Variants in NMU observed in about 807,000 individuals in gnomAD.
NMU encodes the protein neuromedin-U.
In NMU, 29 loss-of-function variants were observed where a neutral mutation model predicts 35.4. That is an observed-to-expected ratio of 0.82 (90% CI 0.61 to 1.12). The LOEUF (loss-of-function observed/expected upper bound fraction) is 1.12, where lower values mean the gene tolerates loss of function less well. Ranked by LOEUF, NMU falls within the 50% of genes most tolerant of loss-of-function variation. NMU has a pLI of 0.00. For synonymous variants in NMU, 78 were observed against 81.3 expected, an observed-to-expected ratio of 0.96 and a Z score of 0.22; for missense variants, 199 against 206.2, an observed-to-expected ratio of 0.97 and a Z score of 0.21.
chr4:55,595,542 G>GTATATATATATATATATATATA (rs35083424), intron 9 of NMU, 131 bp from the exon 10 acceptor site: 1 of 107,992 alleles, frequency 9.3e-6, no homozygotes, highest in Non-Finnish European at 1.8e-5. Context: ...TTTCCCAGCT[G>GTATATATATATATATATATATA]TATATATATA....
intron 2 of NMU, among the ~76,000 whole-genome samples, chr4:55,626,565 G>A (rs1455084701): frequency 6.6e-6 from 1 of 152,124 alleles, no homozygotes; most frequent in East Asian, 1.9e-4. Context: ...AAATTAGCCG[G>A]CCGTGGTGGC....
intron 2 of NMU, among the ~76,000 whole-genome samples, chr4:55,626,479 C>T (rs1033917988): frequency 3.9e-5 from 6 of 152,154 alleles, no homozygotes; most frequent in East Asian, 1.9e-4. Context: ...CCAAGGTGGG[C>T]GGATCACTTG....
intron 3 of NMU, among the ~76,000 whole-genome samples, chr4:55,610,453 A>G (rs1192717823): frequency 1.4e-5 from 2 of 147,554 alleles, no homozygotes; most frequent in African/African-American, 5.0e-5. Context: ...ATGGAGTGAG[A>G]CTCTGTCTCA....
chr4:55,633,107 C>T (rs56189453), intron 1 of NMU, among the ~76,000 whole-genome samples: 22,111 of 151,750 alleles, frequency 0.15, 1,673 homozygotes, highest in East Asian at 0.22. Flanking sequence ...GGCATATCAC[C>T]AGGTCAGGAG....
chr4:55,614,097 T>C (rs754567206), intron 3 of NMU, among the ~76,000 whole-genome samples: 10 of 152,214 alleles, frequency 6.6e-5, no homozygotes, highest in Non-Finnish European at 1.2e-4. Context: ...TGAATCTATC[T>C]CTTTTATATA....
chr4:55,618,520 C>A (rs1234504659), intron 2 of NMU, among the ~76,000 whole-genome samples: 2 of 152,156 alleles, frequency 1.3e-5, no homozygotes, highest in Non-Finnish European at 2.9e-5. Context: ...ATTTTTAAAT[C>A]TTCAAGCAGA....
At chr4:55,632,867 TAGAA>T (rs1430330436) in intron 1 of NMU, among the ~76,000 whole-genome samples, 11 of 151,532 alleles carry the variant, frequency 7.3e-5, no homozygotes, top group Middle Eastern at 3.4e-3. Flanking sequence ...ATGGGCCACT[TAGAA>T]AGGCCACTAT....
chr4:55,598,933 T>A (rs1263037626), intron 9 of NMU, among the ~76,000 whole-genome samples: 1 of 152,186 alleles, frequency 6.6e-6, no homozygotes, highest in Non-Finnish European at 1.5e-5. Context: ...AAAATACTGG[T>A]ATTTTCTCAT....
At chr4:55,596,760 C>T (rs2110176806) in intron 9 of NMU, among the ~76,000 whole-genome samples, 1 of 152,158 alleles carries the variant, frequency 6.6e-6, no homozygotes, top group African/African-American at 2.4e-5. Flanking sequence ...TTATTTCTTT[C>T]TTTTCTAATT....
chr4:55,632,116 A>G (rs939944303), intron 1 of NMU, among the ~76,000 whole-genome samples: 1 of 152,186 alleles, frequency 6.6e-6, no homozygotes, highest in Non-Finnish European at 1.5e-5. Context: ...ATGAGGACAC[A>G]AAACATAGAG....
chr4:55,636,334 G>A (rs910221504), upstream of NMU: 1 of 1,243,316 alleles, frequency 8.0e-7, no homozygotes, highest in African/African-American at 1.6e-5. This position sits in a 1 kb window ranked among gnomAD's most constrained non-coding sequence, Gnocchi z 4.0. Flanking sequence ...TAAATCTCGC[G>A]CACAAGTGGG....
At chr4:55,603,650 C>T (rs1460456347) in intron 7 of NMU, among the ~76,000 whole-genome samples, 1 of 151,726 alleles carries the variant, frequency 6.6e-6, no homozygotes, top group African/African-American at 2.4e-5. Flanking sequence ...CAGTGGCTCA[C>T]GCCTGTAATA....
chr4:55,625,456 T>A (rs1250837380), intron 2 of NMU, among the ~76,000 whole-genome samples: 4 of 152,204 alleles, frequency 2.6e-5, no homozygotes, highest in Admixed American at 1.3e-4. Context: ...AGATATTCTA[T>A]CAAGGCAGAG....
At chr4:55,603,805 G>C (rs776113689) in intron 7 of NMU, among the ~76,000 whole-genome samples, 9 of 149,464 alleles carry the variant, frequency 6.0e-5, no homozygotes, top group Admixed American at 3.3e-4. Context: ...CCAGCTCCTC[G>C]GGAGGCTGAG....
At chr4:55,633,051 G>T (rs1400762427) in intron 1 of NMU, among the ~76,000 whole-genome samples, 1 of 151,758 alleles carries the variant, frequency 6.6e-6, no homozygotes, top group Admixed American at 6.6e-5. Flanking sequence ...CTGGCTGGGT[G>T]CAGTGGCTCA....
chr4:55,600,846 A>T (rs562017077), intron 7 of NMU, among the ~76,000 whole-genome samples: 2 of 152,132 alleles, frequency 1.3e-5, no homozygotes, highest in Non-Finnish European at 2.9e-5. Context: ...GAATTCATCA[A>T]TAAGTAGAAA....
rs773833498 is a variant in NMU at position 55,618,684 on chromosome 4, CTCTT to C, written c.172-2303_172-2300del. Among the ~76,000 whole-genome samples, 637 of 115,704 alleles carry C rather than the reference CTCTT, an allele frequency of 5.5e-3. 4 individuals are homozygous for C. Among genetic ancestry groups the C allele is most frequent in the Admixed American group, 0.017 (187 of 10,760 alleles). 75.9% of individuals were successfully genotyped at this position (115,704 alleles called of 152,430 possible). On this transcript the variant is annotated intron_variant, in intron 2 of 9. Coordinates refer to ENST00000264218, the MANE Select transcript of NMU (RefSeq NM_006681.4). ...TTTCTTCTCTCTCTTCCTTTCTTCT[CTCTT>C]TCTTCTCTCTCTTCTTTCTTTTTCT... is the stretch of plus-strand genomic sequence containing the variant.
At chr4:55,616,279 A>G in intron 3 of NMU, 59 bp downstream of exon 3, 2 of 1,192,892 alleles carry the variant, frequency 1.7e-6, no homozygotes, top group South Asian at 1.2e-5. Context: ...GCAGCAATGG[A>G]GAGTTTAAGC....
chr4:55,597,183 A>T (rs113254765), intron 9 of NMU, among the ~76,000 whole-genome samples: 24 of 150,266 alleles, frequency 1.6e-4, no homozygotes, highest in Admixed American at 6.6e-4. Context: ...TTACAGTTTC[A>T]TTTTTTTATA....
Sources: gnomAD v4.1 joint callset for allele counts (sites outside exome capture counted in the v4.1 genomes callset) on GRCh38, gnomAD v4.1.1 for gene constraint, Gnocchi (gnomAD v3.1) non-coding constraint, MANE v1.5 for transcripts, NCBI Gene and HGNC (gene_info 2026-07-23, HGNC 2026-07-21) for gene names.